The following RBFOX3 variants were observed in gnomAD, a reference collection of about 807,000 sequenced individuals.
The protein encoded by RBFOX3 is RNA binding protein fox-1 homolog 3.
A neutral mutation model predicts 48.7 loss-of-function variants in RBFOX3; 17 were observed. The ratio of observed to expected loss-of-function variants is 0.35; its 90% CI spans 0.24 to 0.52. The LOEUF is 0.52. Among genes scored for constraint, RBFOX3 ranks in the 20% least tolerant of loss-of-function variants. The pLI is 0.94. For missense variants in RBFOX3, 382 were observed against 497.5 expected, an observed-to-expected ratio of 0.77 and a Z score of 2.21; for synonymous variants, 212 against 209.5, an observed-to-expected ratio of 1.01 and a Z score of -0.10.
chr17:79,388,336 C>G (rs1405363074), intron 2 of RBFOX3, among the ~76,000 whole-genome samples: 1 of 152,114 alleles, frequency 6.6e-6, no homozygotes. Flanking sequence ...CCAGGCATGA[C>G]CACGGCTGAA....
At chr17:79,221,107 G>A (rs764352349) in intron 4 of RBFOX3, among the ~76,000 whole-genome samples, 16 of 152,210 alleles carry the variant, frequency 1.1e-4, no homozygotes, top group South Asian at 2.1e-4. Flanking sequence ...CAGCCCTGCC[G>A]AAAAGCCGAT....
chr17:79,651,688 C>T, the RBFOX3 span, among the ~76,000 whole-genome samples: 1 of 92,436 alleles, frequency 1.1e-5, no homozygotes, highest in Non-Finnish European at 2.2e-5. Context: ...CTCCCTCCTT[C>T]CCTCCCCCTC....
At chr17:79,134,077 C>A (rs1343793247) in intron 4 of RBFOX3, among the ~76,000 whole-genome samples, 1 of 152,186 alleles carries the variant, frequency 6.6e-6, no homozygotes, top group Non-Finnish European at 1.5e-5. Flanking sequence ...GTGGAGACGG[C>A]GGGAAGGCAG....
intron 2 of RBFOX3, among the ~76,000 whole-genome samples, chr17:79,416,465 T>C (rs1555719095): frequency 6.6e-6 from 1 of 152,172 alleles, no homozygotes; most frequent in Non-Finnish European, 1.5e-5. Flanking sequence ...GCCCCCACTA[T>C]CCATCAAGGA....
At chr17:79,401,647 C>A (rs1244130338) in intron 2 of RBFOX3, among the ~76,000 whole-genome samples, 1 of 152,184 alleles carries the variant, frequency 6.6e-6, no homozygotes, top group African/African-American at 2.4e-5. Flanking sequence ...CTCCCTTCAC[C>A]CCGATCCCAT....
chr17:79,616,393 G>A, the RBFOX3 span, among the ~76,000 whole-genome samples: 21 of 152,020 alleles, frequency 1.4e-4, no homozygotes, highest in African/African-American at 4.6e-4. Flanking sequence ...AAAATTAGCC[G>A]GGCGAAGTGG....
intron 1 of RBFOX3, among the ~76,000 whole-genome samples, chr17:79,573,003 C>T (rs1352738194): frequency 6.6e-6 from 1 of 152,228 alleles, no homozygotes; most frequent in Non-Finnish European, 1.5e-5. Context: ...GGGACACACT[C>T]ATACTAAGCA....
Position 79,482,426 on chromosome 17 carries a change from G to C in RBFOX3, c.-175+28C>G, listed in dbSNP as rs1223793613. On this transcript the variant is annotated intron_variant, in intron 2 of 14. Transcript: ENST00000693108. The surrounding 1 kb of genome is among the most constrained non-coding windows in gnomAD (Gnocchi z 4.1). Reference sequence around the variant, plus strand: ...CCACAAATGCAAACTCTGGGGATGGGCATGGCGGACAGGTGGGGCCGCCTT... The same window carrying C: ...CCACAAATGCAAACTCTGGGGATGGCCATGGCGGACAGGTGGGGCCGCCTT... 6.6e-6 allele frequency: 1 copy of C among 152,220 alleles called. No homozygotes were observed. Among genetic ancestry groups the C allele is most frequent in the Non-Finnish European group, 1.5e-5 (1 of 68,076 alleles). The allele number at this position is 152,220 out of a possible 1,614,324, so 9.4% of individuals were successfully genotyped here.
intron 3 of RBFOX3, among the ~76,000 whole-genome samples, chr17:79,287,424 G>A (rs2072205430): frequency 6.6e-6 from 1 of 152,186 alleles, no homozygotes; most frequent in Non-Finnish European, 1.5e-5. Flanking sequence ...TTGAGTGGGG[G>A]GTAGAGTGGG....
At chr17:79,532,229 C>T (rs2087913178) in intron 1 of RBFOX3, among the ~76,000 whole-genome samples, 1 of 152,038 alleles carries the variant, frequency 6.6e-6, no homozygotes, top group Admixed American at 6.5e-5. Context: ...GAATGAGGCT[C>T]AGTTCCCCCT....
At position 79,479,358 on chromosome 17, in the gene RBFOX3, A is replaced by G. The variant is rs2078440681; in HGVS notation, c.-175+3096T>C. On this transcript the variant is annotated intron_variant, in intron 2 of 14. Transcript: ENST00000693108. This position sits in a 1 kb window ranked among gnomAD's most constrained non-coding sequence, Gnocchi z 5.1. ...TGTACATGGCCCTCTTCCTTCAGAC[A>G]CCCGCCATCCACCATCCTGAAGGTG... 6.6e-6 allele frequency among the ~76,000 whole-genome samples: 1 copy of G among 152,040 alleles called. No individual in the cohort carries two copies. The highest frequency in any genetic ancestry group is 1.5e-5 in the Non-Finnish European group (1 of 67,990).
intron 1 of RBFOX3, among the ~76,000 whole-genome samples, chr17:79,554,924 C>T (rs1341194308): frequency 1.3e-5 from 2 of 152,106 alleles, no homozygotes; most frequent in African/African-American, 2.4e-5. Context: ...AACCATAGAA[C>T]ATCAACGGAC....
chr17:79,289,885 C>T (rs540203864), intron 3 of RBFOX3, among the ~76,000 whole-genome samples: 1 of 152,312 alleles, frequency 6.6e-6, no homozygotes, highest in East Asian at 1.9e-4. Flanking sequence ...TAACTAATAA[C>T]ACTGGGCTAT....
chr17:79,107,366 C>T (rs577782444), intron 5 of RBFOX3, among the ~76,000 whole-genome samples: 52 of 152,348 alleles, frequency 3.4e-4, no homozygotes, highest in African/African-American at 1.2e-3. Flanking sequence ...CAAGGCAGGG[C>T]GTGGCCAAGT....
chr17:79,533,796 C>T (rs1555788047), intron 1 of RBFOX3, among the ~76,000 whole-genome samples: 2 of 152,230 alleles, frequency 1.3e-5, no homozygotes, highest in African/African-American at 2.4e-5. Context: ...TACATATTCA[C>T]TGTAGAAAAT....
intron 2 of RBFOX3, among the ~76,000 whole-genome samples, chr17:79,400,531 G>T (rs1191794222): frequency 6.6e-6 from 1 of 151,694 alleles, no homozygotes; most frequent in Non-Finnish European, 1.5e-5. Context: ...GGTACCAGAG[G>T]TTGGCGCTTC....
In RBFOX3 at chr17:79,529,879, A is replaced by G. The variant is rs1037539180; in HGVS notation, c.-319-47281T>C. Among the ~76,000 whole-genome samples, 137 of 152,272 alleles carry G rather than the reference A, an allele frequency of 9.0e-4. 1 individual carries two copies. The highest frequency in any genetic ancestry group is 3.0e-3 in the African/African-American group (126 of 41,570). On this transcript the variant is annotated intron_variant, in intron 1 of 14. Coordinates refer to ENST00000693108, the MANE Select transcript of RBFOX3 (RefSeq NM_001350451.2). ...CTCACCACCTGTGCTTGTGAACAAC[A>G]TGTTGCTGGGACCCAGCACGCTCCT...
At position 79,482,533 on chromosome 17, in the gene RBFOX3, G is replaced by C. The variant is rs1403557650; in HGVS notation, c.-254C>G. Reference sequence around the variant, plus strand: ...CCTTCTGGACCGTCCTTGGCAAGGAGGGGGCTGCTGGGGAGGAGTGGCGAC... The same window carrying C: ...CCTTCTGGACCGTCCTTGGCAAGGACGGGGCTGCTGGGGAGGAGTGGCGAC... On this transcript the variant is annotated 5_prime_UTR_variant, in exon 2 of 15. Coordinates refer to ENST00000693108, the MANE Select transcript of RBFOX3 (RefSeq NM_001350451.2). This position sits in a 1 kb window ranked among gnomAD's most constrained non-coding sequence, Gnocchi z 4.1. 1 of 152,286 alleles carries C rather than the reference G, an allele frequency of 6.6e-6. No individual in the cohort carries two copies. The highest frequency in any genetic ancestry group is 1.9e-4 in the East Asian group (1 of 5,188). 9.4% of individuals were successfully genotyped at this position (152,286 alleles called of 1,614,324 possible).
At chr17:79,104,524 G>C (rs2077017297) in intron 6 of RBFOX3, among the ~76,000 whole-genome samples, 1 of 152,160 alleles carries the variant, frequency 6.6e-6, no homozygotes, top group Non-Finnish European at 1.5e-5. Flanking sequence ...ACCCTGCTAG[G>C]ACATGGCCAC....
Sources: allele counts gnomAD v4.1 joint callset (sites outside exome capture counted in the v4.1 genomes callset), GRCh38; gene constraint gnomAD v4.1.1; non-coding constraint Gnocchi (gnomAD v3.1); transcripts MANE v1.5; gene names NCBI Gene and HGNC (gene_info 2026-07-23, HGNC 2026-07-21).